COL8A1: variants seen among roughly 807,000 people sequenced by gnomAD.
COL8A1 encodes the protein collagen alpha-1(VIII) chain.
Under a neutral mutation model 42.7 loss-of-function variants are expected in COL8A1, and 21 were observed. The observed-to-expected ratio is 0.49, with a 90% CI of 0.35 to 0.71. The LOEUF is 0.71. Ranked by LOEUF, COL8A1 falls within the 30% of genes least tolerant of loss-of-function variation. The pLI is 0.01. For synonymous variants in COL8A1, 367 were observed against 369.1 expected (o/e 0.99, Z 0.06); for missense variants, 788 against 962.4 (o/e 0.82, Z 2.40).
chr3:99,727,074 C>A (rs1576450219), intron 1 of COL8A1, among the ~76,000 whole-genome samples: 1 of 152,060 alleles, frequency 6.6e-6, no homozygotes, highest in South Asian at 2.1e-4. Context: ...TTCTTTGTAT[C>A]CTCTTTTATT....
chr3:99,791,697 A>G (rs1942004196), intron 3 of COL8A1, among the ~76,000 whole-genome samples: 1 of 152,178 alleles, frequency 6.6e-6, no homozygotes. Flanking sequence ...GAAACCTAGT[A>G]CTTGCTGCAT....
chr3:99,645,589 G>A (rs1937626427), intron 1 of COL8A1, among the ~76,000 whole-genome samples: 1 of 151,896 alleles, frequency 6.6e-6, no homozygotes, highest in African/African-American at 2.4e-5. Context: ...TCCCAGAAGG[G>A]GCCTTTAGAT....
At chr3:99,648,137 G>C (rs1355700334) in intron 1 of COL8A1, among the ~76,000 whole-genome samples, 2 of 152,140 alleles carry the variant, frequency 1.3e-5, no homozygotes, top group African/African-American at 4.8e-5. Context: ...AACCCTACAA[G>C]AAGGGTGTTA....
intron 2 of COL8A1, among the ~76,000 whole-genome samples, chr3:99,753,921 A>C (rs1031893483): frequency 6.6e-6 from 1 of 152,374 alleles, no homozygotes; most frequent in South Asian, 2.1e-4. Flanking sequence ...CCCAGTCAGT[A>C]AAATGGTAGA....
intron 1 of COL8A1, among the ~76,000 whole-genome samples, chr3:99,667,886 T>C (rs556513082): frequency 6.6e-6 from 1 of 152,238 alleles, no homozygotes; most frequent in East Asian, 1.9e-4. Context: ...TTTATCTCCT[T>C]GTAGAAATAA....
intron 1 of COL8A1, among the ~76,000 whole-genome samples, chr3:99,739,439 C>T (rs184300153): frequency 4.5e-4 from 69 of 152,344 alleles, no homozygotes; most frequent in Non-Finnish European, 7.2e-4. Flanking sequence ...TGCACTGCCC[C>T]AGCAGACATT....
chr3:99,650,041 A>T (rs1003575099), intron 1 of COL8A1, among the ~76,000 whole-genome samples: 2 of 152,088 alleles, frequency 1.3e-5, no homozygotes, highest in African/African-American at 4.8e-5. Context: ...CGAGTCTCAC[A>T]ACCTATCTCA....
At chr3:99,784,409 A>C (rs545083906) in intron 2 of COL8A1, among the ~76,000 whole-genome samples, 1 of 152,352 alleles carries the variant, frequency 6.6e-6, no homozygotes, top group East Asian at 1.9e-4. Flanking sequence ...GTCATTTAAC[A>C]ACAGGAATAT....
At chr3:99,710,190 C>A (rs1192710267) in intron 1 of COL8A1, among the ~76,000 whole-genome samples, 1 of 152,060 alleles carries the variant, frequency 6.6e-6, no homozygotes, top group African/African-American at 2.4e-5. Context: ...ACCTGGAAAT[C>A]CCAGAGCAGA....
intron 1 of COL8A1, among the ~76,000 whole-genome samples, chr3:99,692,164 C>G (rs1297229770): frequency 6.6e-6 from 1 of 152,120 alleles, no homozygotes; most frequent in Admixed American, 6.5e-5. Flanking sequence ...CCACCACCAC[C>G]ACCAAGTGTA....
At chr3:99,790,067 T>C (rs1219197294) in intron 2 of COL8A1, among the ~76,000 whole-genome samples, 1 of 152,244 alleles carries the variant, frequency 6.6e-6, no homozygotes, top group Admixed American at 6.5e-5. Flanking sequence ...GCATAAAGCC[T>C]ATAAATTATC....
At chr3:99,698,009 C>T (rs972463466) in intron 1 of COL8A1, among the ~76,000 whole-genome samples, 1 of 152,024 alleles carries the variant, frequency 6.6e-6, no homozygotes, top group African/African-American at 2.4e-5. Flanking sequence ...ATGTTCCCTG[C>T]CCTGTGTCTA....
At chr3:99,698,765 CTATTAGAATG>C (rs1939450149) in intron 1 of COL8A1, among the ~76,000 whole-genome samples, 1 of 152,156 alleles carries the variant, frequency 6.6e-6, no homozygotes, top group South Asian at 2.1e-4. Flanking sequence ...CATGTCTTTC[CTATTAGAATG>C]TATGCTCCAT....
intron 1 of COL8A1, among the ~76,000 whole-genome samples, chr3:99,692,876 A>G (rs543836830): frequency 4.6e-5 from 7 of 152,248 alleles, no homozygotes; most frequent in Non-Finnish European, 7.3e-5. Context: ...AGTATTGCAC[A>G]TGGCTGGACG....
intron 1 of COL8A1, among the ~76,000 whole-genome samples, chr3:99,640,246 A>G (rs1292254168): frequency 3.3e-5 from 5 of 152,244 alleles, no homozygotes; most frequent in African/African-American, 4.8e-5. Context: ...ACCTGAGCAT[A>G]TTAACATACC....
chr3:99,717,321 T>G (rs1940026084), intron 1 of COL8A1, among the ~76,000 whole-genome samples: 1 of 151,994 alleles, frequency 6.6e-6, no homozygotes, highest in South Asian at 2.1e-4. Flanking sequence ...AAAGCACCAT[T>G]TTCCCTTTCA....
At chr3:99,669,155 A>G (rs866772571) in intron 1 of COL8A1, among the ~76,000 whole-genome samples, 2,215 of 139,786 alleles carry the variant, frequency 0.016, 79 homozygotes, top group African/African-American at 0.057. Flanking sequence ...ATAGAGGGAG[A>G]GAGAGAGAGA....
intron 1 of COL8A1, among the ~76,000 whole-genome samples, chr3:99,650,828 G>C (rs1333602104): frequency 6.6e-6 from 1 of 152,116 alleles, no homozygotes; most frequent in Non-Finnish European, 1.5e-5. Context: ...TATTGAACAA[G>C]AAACTATTTA....
intron 1 of COL8A1, among the ~76,000 whole-genome samples, chr3:99,737,323 C>T (rs1371453156): frequency 2.0e-5 from 3 of 151,902 alleles, no homozygotes; most frequent in Non-Finnish European, 2.9e-5. Context: ...TTCCTAGTCT[C>T]GATGGTCTTT....
Sources: gnomAD v4.1 joint callset for allele counts (sites outside exome capture counted in the v4.1 genomes callset) on GRCh38, gnomAD v4.1.1 for gene constraint, MANE v1.5 for transcripts, NCBI Gene and HGNC (gene_info 2026-07-23, HGNC 2026-07-21) for gene names.